ADGRF3: variants seen among roughly 807,000 people sequenced by gnomAD.
ADGRF3 encodes adhesion G protein-coupled receptor F3, also known as G protein-coupled receptor 113.
In ADGRF3, 85 loss-of-function variants were observed where a neutral mutation model predicts 93.2. The observed-to-expected ratio is 0.91, with a 90% CI of 0.77 to 1.09. The LOEUF (loss-of-function observed/expected upper bound fraction) is 1.09, where lower values mean the gene tolerates loss of function less well. Ranked by LOEUF, ADGRF3 falls within the 50% of genes least tolerant of loss-of-function variation. The pLI, the probability that ADGRF3 is intolerant of heterozygous loss-of-function variation, is 0.00. For synonymous variants in ADGRF3, 534 were observed against 532.5 expected, an observed-to-expected ratio of 1.00 and a Z score of -0.04; for missense variants, 1,125 against 1,246.2, an observed-to-expected ratio of 0.90 and a Z score of 1.46.
At chr2:26,327,724 G>A (rs1675516528) in intron 1 of ADGRF3, among the ~76,000 whole-genome samples, 1 of 150,892 alleles carries the variant, frequency 6.6e-6, no homozygotes. Flanking sequence ...GGGCGGGAGA[G>A]AGAGAGACAA....
chr2:26,331,489 C>T (rs1453395408), intron 1 of ADGRF3, among the ~76,000 whole-genome samples: 1 of 152,138 alleles, frequency 6.6e-6, no homozygotes. Flanking sequence ...GCAGAGGTTG[C>T]AGTGAGCCGA....
chr2:26,342,826 G>A (rs1239999927), intron 1 of ADGRF3, among the ~76,000 whole-genome samples: 1 of 152,206 alleles, frequency 6.6e-6, no homozygotes, highest in Non-Finnish European at 1.5e-5. Context: ...ATTTGGGAAC[G>A]AGGAAACAGA....
intron 5 of ADGRF3, among the ~76,000 whole-genome samples, 167 bp downstream of exon 5, chr2:26,315,355 G>T (rs1018465123): frequency 6.6e-6 from 1 of 152,184 alleles, no homozygotes; most frequent in African/African-American, 2.4e-5. Flanking sequence ...TCCCCAGAAT[G>T]GGTAAATGGA....
chr2:26,324,251 A>C (rs973783235), intron 1 of ADGRF3, among the ~76,000 whole-genome samples: 16 of 152,194 alleles, frequency 1.1e-4, no homozygotes, highest in African/African-American at 3.6e-4. Flanking sequence ...ACCCTGTCTC[A>C]AAAGAAAAAA....
chr2:26,313,446 G>A lies in ADGRF3; in HGVS notation c.1200C>T (p.Asp400=), dbSNP rs762820710. The A allele has an allele frequency of 6.8e-6, 11 of 1,610,176 alleles. No homozygotes were observed. Among genetic ancestry groups the A allele is most frequent in the East Asian group, 2.2e-5 (1 of 44,722 alleles). The change falls in exon 8 of 14, where the codon GAC becomes GAT. Residue 400 remains aspartate, a synonymous_variant. Transcript: ENST00000651242. ...RGIVRRLCGA[D]GVWGPVHSSC... The stretch of plus-strand genomic sequence containing the variant: ...TGCTGTGGACCGGCCCCCAGACTCC[G>A]TCAGCCCCACAGAGCCTCCTCACTA...
intron 1 of ADGRF3, among the ~76,000 whole-genome samples, chr2:26,332,158 G>C (rs1314217677): frequency 6.6e-6 from 1 of 152,204 alleles, no homozygotes; most frequent in Admixed American, 6.5e-5. Flanking sequence ...ACTGGAATGT[G>C]TTAAAATAGA....
intron 1 of ADGRF3, among the ~76,000 whole-genome samples, chr2:26,338,620 G>A (rs1471620386): frequency 6.6e-6 from 1 of 151,960 alleles, no homozygotes; most frequent in African/African-American, 2.4e-5. Context: ...GTGCCACCAC[G>A]CCCGGCTAAT....
chr2:26,311,880 T>C lies in ADGRF3; in HGVS notation c.1644A>G (p.Gly548=). Residue 548 remains glycine, a synonymous_variant, in exon 10 of 14, where the codon GGA becomes GGG. Transcript: ENST00000651242. ...PNVLLQSQLF[G]PTFPADYSIS... ...TGCTGTAGTCAGCAGGAAACGTGGG[T>C]CCAAACAGCTGGCTCTGCAGCAGCA... is the stretch of plus-strand genomic sequence containing the variant. 6.2e-7 allele frequency: 1 copy of C among 1,613,782 alleles called. No individual in the cohort carries two copies. The highest frequency in any genetic ancestry group is 1.3e-5 in the African/African-American group (1 of 75,006).
chr2:26,316,861 C>T, intron 3 of ADGRF3, 51 bp downstream of exon 3: 1 of 1,544,252 alleles, frequency 6.5e-7, no homozygotes, highest in Non-Finnish European at 8.7e-7. Context: ...TGCAGGAGGC[C>T]CGGGAGCCTA....
intron 1 of ADGRF3, among the ~76,000 whole-genome samples, chr2:26,332,037 C>T (rs1291380440): frequency 1.3e-5 from 2 of 152,058 alleles, no homozygotes; most frequent in African/African-American, 4.8e-5. Context: ...CTTTTAGTTA[C>T]ACATATTTTT....
In ADGRF3 at chr2:26,308,840, C is replaced by G; in HGVS notation, c.*246G>C. 1 of 484,206 alleles carries G rather than the reference C, an allele frequency of 2.1e-6. No individual in the cohort carries two copies. The highest frequency in any genetic ancestry group is 3.7e-6 in the Non-Finnish European group (1 of 273,392). 30.0% of individuals were successfully genotyped at this position (484,206 alleles called of 1,614,324 possible). ...TGATATCTGTCGATTATTTCTGGAG[C>G]AAAGGCAGGCTTATTCATTAGGTGC... On this transcript the variant is annotated 3_prime_UTR_variant, in exon 14 of 14. Transcript: ENST00000651242.
intron 1 of ADGRF3, chr2:26,345,879 C>T (rs1676701522): frequency 3.7e-6 from 2 of 534,432 alleles, no homozygotes; most frequent in East Asian, 3.2e-5. Flanking sequence ...CTTGCCTTAC[C>T]TCAGCTCACC....
chr2:26,314,431 G>C lies in ADGRF3; in HGVS notation c.911C>G (p.Pro304Arg). The change falls in exon 6 of 14, where the codon CCT (proline) becomes CGT (arginine). Residue 304 changes from proline (P) to arginine (R), a missense_variant. Physicochemically the swap from Pro to Arg is moderately radical, Grantham distance 103. Transcript: ENST00000651242. ...TCTCATACCTTTGCTGCCCTCTCCAGGGCTCCAGGCCGCGGTGTAGGCCAG... is the reference window on the plus strand; with the variant it reads ...TCTCATACCTTTGCTGCCCTCTCCACGGCTCCAGGCCGCGGTGTAGGCCAG... ...TNLAYTAAWS[P>R]GEGSKASSFN... The C allele has an allele frequency of 6.2e-7, 1 of 1,613,718 alleles. No individual in the cohort carries two copies. The highest frequency in any genetic ancestry group is 8.5e-7 in the Non-Finnish European group (1 of 1,179,816).
chr2:26,312,348 T>A (rs186182688), intron 9 of ADGRF3, among the ~76,000 whole-genome samples: 35 of 152,236 alleles, frequency 2.3e-4, no homozygotes, highest in African/African-American at 7.5e-4. Context: ...TCCCCCTCCA[T>A]CCCTAGGGGC....
intron 1 of ADGRF3, chr2:26,318,738 C>T: frequency 1.6e-6 from 1 of 639,536 alleles, no homozygotes; most frequent in Middle Eastern, 2.6e-4. Flanking sequence ...TATGAGTTTA[C>T]AGGGACTCAA....
chr2:26,344,432 C>G (rs1409273844), intron 1 of ADGRF3, among the ~76,000 whole-genome samples: 2 of 152,216 alleles, frequency 1.3e-5, no homozygotes, highest in Admixed American at 1.3e-4. Context: ...GCGTGAGCCA[C>G]CGCGCCTGGC....
At position 26,315,736 on chromosome 2, in the gene ADGRF3, G is replaced by A. The variant is rs190597513; in HGVS notation, c.504C>T (p.Pro168=). The A allele has an allele frequency of 1.0e-4, 161 of 1,551,114 alleles. 1 individual carries two copies. The highest frequency in any genetic ancestry group is 3.6e-4 in the Middle Eastern group (2 of 5,612). ...GCTGGGAGTTCAGGTTGAGGATCCC[G>A]GGGACTGCAGGGAGGCAGGTGACAG... ...PGYCQLLPPV[P]GILNLNSQLQ... The change falls in exon 5 of 14, where the codon CCC becomes CCT. Residue 168 remains proline (P), a synonymous_variant. Coordinates refer to ENST00000651242, the MANE Select transcript of ADGRF3 (RefSeq NM_001321971.2).
chr2:26,312,588 C>T (rs112563936), intron 9 of ADGRF3, among the ~76,000 whole-genome samples: 1 of 152,236 alleles, frequency 6.6e-6, no homozygotes, highest in Non-Finnish European at 1.5e-5. Flanking sequence ...GATGCCCATA[C>T]AGAGAGCCGA....
intron 1 of ADGRF3, among the ~76,000 whole-genome samples, chr2:26,341,087 C>A (rs1469512185): frequency 6.6e-6 from 1 of 152,124 alleles, no homozygotes; most frequent in African/African-American, 2.4e-5. Flanking sequence ...GGCCATAAAA[C>A]CACTGAGAAG....
Sources: allele counts gnomAD v4.1 joint callset (sites outside exome capture counted in the v4.1 genomes callset), GRCh38; gene constraint gnomAD v4.1.1; transcripts MANE v1.5; gene names NCBI Gene and HGNC (gene_info 2026-07-23, HGNC 2026-07-21).